Variants in ZBTB7C observed in about 807,000 individuals in gnomAD.
The protein encoded by ZBTB7C is zinc finger and BTB domain-containing protein 7C.
ZBTB7C carries 8 observed loss-of-function variants against 25.7 expected under a neutral mutation model. The observed-to-expected ratio is 0.31, with a 90% confidence interval of 0.18 to 0.56. The LOEUF (loss-of-function observed/expected upper bound fraction) is 0.56. ZBTB7C is among the 20% of genes least tolerant of loss of function. ZBTB7C has a pLI of 0.91. For missense variants in ZBTB7C, 824 were observed against 855.2 expected (o/e 0.96, Z 0.46); for synonymous variants, 394 against 369.0 (o/e 1.07, Z -0.78).
intron 3 of ZBTB7C, among the ~76,000 whole-genome samples, chr18:48,176,800 A>C (rs1362194998): frequency 6.6e-6 from 1 of 152,258 alleles, no homozygotes; most frequent in Non-Finnish European, 1.5e-5. Context: ...GTATGTTCCA[A>C]TATTTGAAAG....
At chr18:48,312,764 C>CTTCTGAAACAGTGTCTCAATCATTGG (rs2045852646) in intron 2 of ZBTB7C, among the ~76,000 whole-genome samples, 1 of 152,188 alleles carries the variant, frequency 6.6e-6, no homozygotes, top group African/African-American at 2.4e-5. Context: ...CTGTCCCAGG[C>CTTCTGAAACAGTGTCTCAATCATTGG]TTCTGAAACA....
At chr18:48,097,370 A>G (rs1405037395) in intron 3 of ZBTB7C, among the ~76,000 whole-genome samples, 1 of 97,028 alleles carries the variant, frequency 1.0e-5, no homozygotes, top group Admixed American at 1.2e-4. Flanking sequence ...GACAACTTTT[A>G]TTATTGTTGT....
At chr18:48,089,860 G>A (rs1287852807) in intron 3 of ZBTB7C, among the ~76,000 whole-genome samples, 1 of 152,248 alleles carries the variant, frequency 6.6e-6, no homozygotes, top group East Asian at 1.9e-4. Context: ...GATGGGGTCA[G>A]GCCTGGCTAT....
intron 3 of ZBTB7C, chr18:48,149,733 G>C (rs1016652144): frequency 4.0e-5 from 6 of 151,766 alleles, no homozygotes; most frequent in African/African-American, 1.5e-4. Context: ...CCCAAGAATA[G>C]GAAAATAATC....
chr18:48,371,591 G>C (rs868201988), intron 1 of ZBTB7C, among the ~76,000 whole-genome samples: 9 of 152,330 alleles, frequency 5.9e-5, no homozygotes, highest in African/African-American at 2.2e-4. Context: ...GAAGAGAGTG[G>C]GAGCTGGGCA....
At chr18:48,116,074 TA>T (rs1009456089) in intron 3 of ZBTB7C, among the ~76,000 whole-genome samples, 17 of 150,564 alleles carry the variant, frequency 1.1e-4, no homozygotes, top group Admixed American at 4.6e-4. Flanking sequence ...AGTGCTGCAT[TA>T]AAAAAAAAGA....
chr18:48,339,250 C>T (rs541113246), intron 1 of ZBTB7C, among the ~76,000 whole-genome samples: 2 of 152,360 alleles, frequency 1.3e-5, no homozygotes, highest in East Asian at 1.9e-4. Flanking sequence ...GGGTACCCAC[C>T]TGGCTGTGAC....
At chr18:48,067,000 A>G (rs1351913394) in intron 3 of ZBTB7C, among the ~76,000 whole-genome samples, 1 of 152,064 alleles carries the variant, frequency 6.6e-6, no homozygotes, top group African/African-American at 2.4e-5. Flanking sequence ...TATTCAGGAG[A>G]CTGAGGCAGG....
chr18:48,252,011 C>T (rs1362436632), intron 2 of ZBTB7C: 2 of 152,216 alleles, frequency 1.3e-5, no homozygotes, highest in Non-Finnish European at 2.9e-5. Context: ...CAGACAATGA[C>T]ACCACTTGAT....
intron 3 of ZBTB7C, among the ~76,000 whole-genome samples, chr18:48,136,089 AG>A (rs1486718719): frequency 6.6e-6 from 1 of 151,858 alleles, no homozygotes; most frequent in African/African-American, 2.4e-5. Flanking sequence ...GGCGGCGGGC[AG>A]GGGGGCGTGG....
chr18:48,107,457 G>A (rs1961542092), intron 3 of ZBTB7C, among the ~76,000 whole-genome samples: 2 of 152,050 alleles, frequency 1.3e-5, no homozygotes, highest in African/African-American at 2.4e-5. Context: ...GACCAGCCAG[G>A]GGACAGGCAC....
In ZBTB7C at chr18:48,221,355, GCTGTCCCTAGTCTCCTCTACA is replaced by G. The variant is rs562455873; in HGVS notation, c.-78-35381_-78-35361del. On this transcript the variant is annotated intron_variant, in intron 2 of 4. Coordinates refer to ENST00000590800, the MANE Select transcript of ZBTB7C (RefSeq NM_001318841.2). ...TCTATGCTGTCCTAGTCTCCTCTAC[GCTGTCCCTAGTCTCCTCTACA>G]CTGTCCCTAGTCTCCTCTACACTGT... 2.8e-4 allele frequency among the ~76,000 whole-genome samples: 33 copies of G among 116,142 alleles called. No individual in the cohort carries two copies. In the South Asian group the frequency reaches 8.9e-3, roughly 31 times the overall value. The allele number at this position is 116,142 out of a possible 152,430, so 76.2% of individuals were successfully genotyped here.
intron 2 of ZBTB7C, among the ~76,000 whole-genome samples, chr18:48,333,289 A>C (rs997147439): frequency 3.3e-5 from 5 of 152,258 alleles, no homozygotes; most frequent in Non-Finnish European, 7.3e-5. Context: ...GGCTCCCAGG[A>C]AGCAATAAAG....
chr18:48,037,470 G>C (rs953642230), intron 4 of ZBTB7C, among the ~76,000 whole-genome samples: 1 of 152,248 alleles, frequency 6.6e-6, no homozygotes, highest in East Asian at 1.9e-4. Context: ...CACTCCCAGA[G>C]AATGTCCCAG....
intron 3 of ZBTB7C, chr18:48,083,938 T>A: frequency 1.0e-6 from 1 of 971,738 alleles, no homozygotes; most frequent in Non-Finnish European, 1.2e-6. Flanking sequence ...GAAGCAGGCC[T>A]TTAAACACGA....
At chr18:48,309,492 T>A (rs1030060498) in intron 2 of ZBTB7C, among the ~76,000 whole-genome samples, 2 of 152,150 alleles carry the variant, frequency 1.3e-5, no homozygotes, top group African/African-American at 4.8e-5. Context: ...AGCACAGAAG[T>A]GGGGGTAGTG....
chr18:48,108,240 C>T (rs953937427), intron 3 of ZBTB7C, among the ~76,000 whole-genome samples: 1 of 152,178 alleles, frequency 6.6e-6, no homozygotes, highest in Admixed American at 6.5e-5. Flanking sequence ...ACCTCGGGTT[C>T]CCAGGCTCCT....
chr18:48,225,359 G>C (rs576673056), intron 2 of ZBTB7C, among the ~76,000 whole-genome samples: 8 of 151,926 alleles, frequency 5.3e-5, no homozygotes, highest in Non-Finnish European at 7.4e-5. Context: ...TAAAGAAAGA[G>C]GAAAGGGAGA....
chr18:48,161,700 G>GGCCCGGCCCGGGCGCCCCGCCCCA (rs943565551), intron 3 of ZBTB7C, among the ~76,000 whole-genome samples: 4 of 146,486 alleles, frequency 2.7e-5, no homozygotes, highest in Non-Finnish European at 6.0e-5. Context: ...TGCCCGGCCC[G>GGCCCGGCCCGGGCGCCCCGCCCCA]GCCCGGCCCG....
Sources: gnomAD v4.1 joint callset for allele counts (sites outside exome capture counted in the v4.1 genomes callset) on GRCh38, gnomAD v4.1.1 for gene constraint, MANE v1.5 for transcripts, NCBI Gene and HGNC (gene_info 2026-07-23, HGNC 2026-07-21) for gene names.